RPAP3: variants seen among roughly 807,000 people sequenced by gnomAD.
RPAP3 encodes RNA polymerase II associated protein 3, also known as RNA polymerase II-associated protein 3.
RPAP3 carries 58 observed loss-of-function variants against 88.8 expected under a neutral mutation model. The ratio of observed to expected loss-of-function variants is 0.65; its 90% CI spans 0.53 to 0.81. RPAP3 has a LOEUF of 0.81. Among genes scored for constraint, RPAP3 ranks in the 40% least tolerant of loss-of-function variants. The pLI is 0.00. For synonymous variants in RPAP3, 255 were observed against 259.9 expected, an observed-to-expected ratio of 0.98 and a Z score of 0.18; for missense variants, 751 against 764.3, an observed-to-expected ratio of 0.98 and a Z score of 0.20.
chr12:47,688,040 A>G, intron 7 of RPAP3, 39 bp from the exon 8 acceptor site: 1 of 1,571,354 alleles, frequency 6.4e-7, no homozygotes. Context: ...AAACAAAGTA[A>G]TGCAAGATGC....
At chr12:47,694,038 CA>C (rs1324472891) in intron 5 of RPAP3, among the ~76,000 whole-genome samples, 1 of 152,172 alleles carries the variant, frequency 6.6e-6, no homozygotes, top group African/African-American at 2.4e-5. Context: ...CAATTCTAAT[CA>C]AAATCCCAAC....
In RPAP3 at chr12:47,704,999, G is replaced by C. The variant is rs555967965; in HGVS notation, c.-7+953C>G. Reference sequence around the variant, plus strand: ...GCCTGGGACCAAAAAAAAAGGAGGGGGGGGAATGAAATGAGTTACGTAAAT... The same window carrying C: ...GCCTGGGACCAAAAAAAAAGGAGGGCGGGGAATGAAATGAGTTACGTAAAT... On this transcript the variant is annotated intron_variant, in intron 1 of 16. Transcript: ENST00000005386. Among the ~76,000 whole-genome samples the C allele has an allele frequency of 2.6e-5, 4 of 152,132 alleles. No individual in the cohort carries two copies. The South Asian group carries it at 8.3e-4, about 32-fold the overall frequency.
At chr12:47,678,755 G>A (rs1565716588) in intron 12 of RPAP3, among the ~76,000 whole-genome samples, 2 of 152,208 alleles carry the variant, frequency 1.3e-5, no homozygotes, top group African/African-American at 2.4e-5. Flanking sequence ...AACAACAGAT[G>A]CTGGAGAGGA....
chr12:47,697,819 G>T, intron 3 of RPAP3, 100 bp from the exon 4 acceptor site: 1 of 1,110,742 alleles, frequency 9.0e-7, no homozygotes, highest in Non-Finnish European at 1.3e-6. Flanking sequence ...AATGTAAATT[G>T]TTACAATCTA....
intron 12 of RPAP3, among the ~76,000 whole-genome samples, chr12:47,674,387 C>T (rs1000356820): frequency 2.6e-5 from 4 of 152,108 alleles, no homozygotes; most frequent in South Asian, 4.1e-4. Flanking sequence ...CTAAGCTGGA[C>T]GGAGAATGAC....
chr12:47,701,205 T>C, intron 3 of RPAP3: 1 of 270,466 alleles, frequency 3.7e-6, no homozygotes, highest in Non-Finnish European at 6.9e-6. Flanking sequence ...AAGTAAACAG[T>C]AATTTTTGTA....
rs1294411360 is a variant in RPAP3 at position 47,669,126 on chromosome 12, A to C, written c.1527-24T>G. On this transcript the variant is annotated intron_variant, in intron 13 of 16. Coordinates refer to ENST00000005386, the MANE Select transcript of RPAP3 (RefSeq NM_024604.3). Reference sequence around the variant, plus strand: ...GTCTGAAATATTTCAGAGGTATCAAACAGAAAAGAACCATAAATAATCATA... The same window carrying C: ...GTCTGAAATATTTCAGAGGTATCAACCAGAAAAGAACCATAAATAATCATA... The C allele has an allele frequency of 4.5e-6, 7 of 1,541,352 alleles. No homozygotes were observed. The African/African-American group carries it at 9.6e-5, about 21-fold the overall frequency.
chr12:47,685,074 C>T (rs1256895616), intron 9 of RPAP3, among the ~76,000 whole-genome samples: 1 of 152,114 alleles, frequency 6.6e-6, no homozygotes, highest in Non-Finnish European at 1.5e-5. Flanking sequence ...ATCACTTTGT[C>T]ACCAATAAAA....
chr12:47,688,096 T>C (rs1939360997), intron 7 of RPAP3, 95 bp from the exon 8 acceptor site: 1 of 1,056,012 alleles, frequency 9.5e-7, no homozygotes. Context: ...TATATTAGAA[T>C]TTCTGCCACA....
rs75776813 is a variant in RPAP3 at position 47,703,485 on chromosome 12, C to T, written c.-6-639G>A. ...TGACAACGAAGAATCCCAGACACTG[C>T]CAAATGTTCCCTGAGAGGTAAAATA... On this transcript the variant is annotated intron_variant, in intron 1 of 16. Transcript: ENST00000005386. Among the ~76,000 whole-genome samples the T allele has an allele frequency of 1.9e-3, 293 of 152,280 alleles. 3 individuals are homozygous for T. The East Asian group carries it at 0.039, about 21-fold the overall frequency.
chr12:47,698,322 T>TTA (rs1465058741), intron 3 of RPAP3, among the ~76,000 whole-genome samples: 1 of 152,128 alleles, frequency 6.6e-6, no homozygotes, highest in Non-Finnish European at 1.5e-5. Flanking sequence ...AATCGATATG[T>TTA]TATACTGTCT....
At chr12:47,689,243 T>G (rs1461409384) in intron 6 of RPAP3, 48 bp from the exon 7 acceptor site, 3 of 744,778 alleles carry the variant, frequency 4.0e-6, no homozygotes, top group Non-Finnish European at 4.4e-6. Context: ...AGGTAATATT[T>G]TAAAACATGT....
Position 47,696,285 on chromosome 12 carries a change from C to T in RPAP3, c.536G>A (p.Arg179Lys). 1 of 1,550,142 alleles carries T rather than the reference C, an allele frequency of 6.5e-7. No individual in the cohort carries two copies. The highest frequency in any genetic ancestry group is 1.4e-5 in the African/African-American group (1 of 72,158). Reference protein sequence around the residue: ...LPTNRASAYFRLKKFAVAESD... With the variant: ...LPTNRASAYFKLKKFAVAESD... ...CACAGAAAGTCCTTACTTTTTCAGT[C>T]TAAAATATGCTGACGCTCTGTTCGT... The change falls in exon 5 of 17, where the codon AGA becomes AAA. Residue 179 changes from arginine (R) to lysine (K), a missense_variant. Coordinates refer to ENST00000005386, the MANE Select transcript of RPAP3 (RefSeq NM_024604.3).
chr12:47,696,088 C>T (rs1939520459), intron 5 of RPAP3, 188 bp downstream of exon 5: 1 of 405,990 alleles, frequency 2.5e-6, no homozygotes, highest in Admixed American at 4.5e-5. Context: ...GGTTTTAGCA[C>T]CAGATGTTTA....
At position 47,686,809 on chromosome 12, in the gene RPAP3, G is replaced by A; in HGVS notation, c.963C>T (p.Asn321=). The part of the protein sequence containing the change: ...ADGANALLPA[N]RAMAYLKIQK... ...GAATCTTCAGATAGGCCATAGCTCT[G>A]TTAGCTGGAAGAAGGGCATTAGCAC... The change falls in exon 9 of 17, where the codon AAC becomes AAT. Residue 321 remains asparagine, a synonymous_variant. Transcript: ENST00000005386. The A allele has an allele frequency of 6.2e-7, 1 of 1,604,176 alleles. No homozygotes were observed. Among genetic ancestry groups the A allele is most frequent in the Non-Finnish European group, 8.5e-7 (1 of 1,176,408 alleles).
At chr12:47,685,298 G>A (rs2077519463) in intron 9 of RPAP3, among the ~76,000 whole-genome samples, 1 of 151,158 alleles carries the variant, frequency 6.6e-6, no homozygotes, top group Admixed American at 6.6e-5. Flanking sequence ...AGAATTGCTT[G>A]AACCTGGGAG....
chr12:47,703,698 A>AG (rs1456527023), intron 1 of RPAP3, among the ~76,000 whole-genome samples: 1 of 152,182 alleles, frequency 6.6e-6, no homozygotes, highest in Non-Finnish European at 1.5e-5. Flanking sequence ...AGGCAGAGTG[A>AG]GGAATTATGA....
intron 4 of RPAP3, among the ~76,000 whole-genome samples, chr12:47,696,788 A>G (rs1282943988): frequency 1.3e-5 from 2 of 152,374 alleles, no homozygotes; most frequent in South Asian, 2.1e-4. Flanking sequence ...TATAATACAT[A>G]TAACGCATAA....
At position 47,690,513 on chromosome 12, in the gene RPAP3, A is replaced by G; in HGVS notation, c.667+5T>C. The G allele has an allele frequency of 1.3e-6, 2 of 1,594,782 alleles. No homozygotes were observed. The highest frequency in any genetic ancestry group is 1.2e-5 in the South Asian group (1 of 86,240). ...AGAATTCTTTAGAGAGTGACTAGAA[A>G]ATACCTTTTTTGGCCTCTTCTAATT... On this transcript the variant is annotated splice_donor_5th_base_variant and intron_variant, in intron 6 of 16. Transcript: ENST00000005386.
Sources: gnomAD v4.1 joint callset for allele counts (sites outside exome capture counted in the v4.1 genomes callset) on GRCh38, gnomAD v4.1.1 for gene constraint, MANE v1.5 for transcripts, NCBI Gene and HGNC (gene_info 2026-07-23, HGNC 2026-07-21) for gene names.